The following RNF213 variants were observed in gnomAD, a reference collection of about 807,000 sequenced individuals.
The protein encoded by RNF213 is E3 ubiquitin-protein ligase RNF213.
A neutral mutation model predicts 514.4 loss-of-function variants in RNF213; 341 were observed. The observed-to-expected ratio is 0.66, with a 90% CI of 0.61 to 0.73. The LOEUF is 0.73. Ranked by LOEUF, RNF213 falls within the 30% of genes least tolerant of loss-of-function variation. RNF213 has a pLI of 0.00. For missense variants in RNF213, 5,767 were observed against 6,615.6 expected (o/e 0.87, Z 4.45); for synonymous variants, 2,655 against 2,658.2 (o/e 1.00, Z 0.04).
rs1288406252 is a variant in RNF213, at chr17:80,347,235, CA to C, written c.8903del (p.Lys2968ArgfsTer50). On this transcript the variant is annotated frameshift_variant, in exon 29 of 68. Coordinates refer to ENST00000582970, the MANE Select transcript of RNF213 (RefSeq NM_001256071.3). LOFTEE classifies it high-confidence loss of function. This position sits in a 1 kb window ranked among gnomAD's most constrained non-coding sequence, Gnocchi z 7.2. The stretch of plus-strand genomic sequence containing the variant: ...CTCATCAAAATGGTCTTTGCTGCAG[CA>C]AAGGCTTCAAATAGAAAGCCTTCCC... ...YSLIKMVFAA[A>X]KASNRKPSPQ... 1 of 1,613,180 alleles carries C rather than the reference CA, an allele frequency of 6.2e-7. No individual in the cohort carries two copies. Among genetic ancestry groups the C allele is most frequent in the Non-Finnish European group, 8.5e-7 (1 of 1,179,662 alleles).
rs778138638 is a variant in RNF213, at chr17:80,390,170, C to T, written c.15444C>T (p.Thr5148=). 145 of 1,614,024 alleles carry T rather than the reference C, an allele frequency of 9.0e-5. No individual in the cohort carries two copies. Among genetic ancestry groups the T allele is most frequent in the Non-Finnish European group, 1.2e-4 (139 of 1,180,036 alleles). ...AACTAAAGAACCCCCAAACCCAAACCGAGGAGCGCTTCCGCCCTCAGTGGA... is the reference window on the plus strand; with the variant it reads ...AACTAAAGAACCCCCAAACCCAAACTGAGGAGCGCTTCCGCCCTCAGTGGA... ...ILKLKNPQTQ[T]EERFRPQWSL... Residue 5148 remains threonine, a synonymous_variant, in exon 67 of 68, where the codon ACC becomes ACT. Coordinates refer to ENST00000582970, the MANE Select transcript of RNF213 (RefSeq NM_001256071.3).
At chr17:80,333,620 G>C (rs955467132) in intron 21 of RNF213, among the ~76,000 whole-genome samples, 1 of 151,482 alleles carries the variant, frequency 6.6e-6, no homozygotes, top group Admixed American at 6.6e-5. Flanking sequence ...CTTGAACCAC[G>C]GAGGCGGAGG....
Position 80,353,777 on chromosome 17 carries a change from G to T in RNF213, c.10578+111G>T, listed in dbSNP as rs573740453. ...GAGGAGTCGCCGCCGCTGTGCAGGG[G>T]TGAGGATGGCGCCCCACTTTCCTCA... On this transcript the variant is annotated intron_variant, in intron 34 of 67. Coordinates refer to ENST00000582970, the MANE Select transcript of RNF213 (RefSeq NM_001256071.3). The surrounding 1 kb of genome is among the most constrained non-coding windows in gnomAD (Gnocchi z 5.0). 2 of 1,455,458 alleles carry T rather than the reference G, an allele frequency of 1.4e-6. No homozygotes were observed. Among genetic ancestry groups the T allele is most frequent in the East Asian group, 4.5e-5 (2 of 44,052 alleles). The allele number at this position is 1,455,458 out of a possible 1,614,324, so 90.2% of individuals were successfully genotyped here.
At chr17:80,287,771 G>T (rs1181004347) in intron 3 of RNF213, 44 bp from the exon 4 acceptor site, 5 of 1,598,852 alleles carry the variant, frequency 3.1e-6, no homozygotes, top group Admixed American at 1.7e-5. Flanking sequence ...GGCTAGAGTA[G>T]AGTAAATCTA....
intron 63 of RNF213, among the ~76,000 whole-genome samples, chr17:80,388,367 C>G (rs1414086268): frequency 6.6e-6 from 1 of 152,208 alleles, no homozygotes; most frequent in East Asian, 1.9e-4. Context: ...TGTGGCGAAG[C>G]AGGCCACGAT....
intron 59 of RNF213, chr17:80,384,723 T>G (rs2080164198): frequency 2.5e-6 from 1 of 405,076 alleles, no homozygotes; most frequent in Non-Finnish European, 4.7e-6. Flanking sequence ...TTCAGCAGCT[T>G]CTCTCCGTAC....
chr17:80,395,953 C>A lies in RNF213; in HGVS notation c.*2455C>A. The A allele has an allele frequency of 6.6e-6, 1 of 152,534 alleles. No homozygotes were observed. 9.4% of individuals were successfully genotyped at this position (152,534 alleles called of 1,614,324 possible). A position where few individuals can be genotyped will look rare whatever the true frequency, so the allele number is the denominator to read the frequency against. On this transcript the variant is annotated 3_prime_UTR_variant, in exon 68 of 68. Coordinates refer to ENST00000582970, the MANE Select transcript of RNF213 (RefSeq NM_001256071.3). Reference sequence around the variant, plus strand: ...TGGATGCCTCATCACCAACCCTGACCTTCCCCCTCCCAACCCTTTATTCAT... The same window carrying A: ...TGGATGCCTCATCACCAACCCTGACATTCCCCCTCCCAACCCTTTATTCAT...
At position 80,263,592 on chromosome 17, in the gene RNF213, T is replaced by C. The variant is rs1217577727; in HGVS notation, c.-90T>C. 2.4e-5 allele frequency: 25 copies of C among 1,035,534 alleles called. No homozygotes were observed. In the Admixed American group the frequency reaches 2.7e-4, roughly 11 times the overall value. 64.1% of individuals were successfully genotyped at this position (1,035,534 alleles called of 1,614,324 possible). On this transcript the variant is annotated 5_prime_UTR_variant, in exon 2 of 68. Coordinates refer to ENST00000582970, the MANE Select transcript of RNF213 (RefSeq NM_001256071.3). The surrounding 1 kb of genome is among the most constrained non-coding windows in gnomAD (Gnocchi z 4.9). ...TTCGCAGAAAATGAAACTGAAGCCG[T>C]GGTCACGTGACAGGACATGTAGTAT...
chr17:80,381,721 AGCAGAAGT>A lies in RNF213; in HGVS notation c.13974_13978+3del. 6.2e-7 allele frequency: 1 copy of A among 1,613,300 alleles called. No individual in the cohort carries two copies. The highest frequency in any genetic ancestry group is 1.1e-5 in the South Asian group (1 of 91,018). On this transcript the variant is annotated splice_donor_variant and coding_sequence_variant, in exon 57 of 68. Coordinates refer to ENST00000582970, the MANE Select transcript of RNF213 (RefSeq NM_001256071.3). LOFTEE classifies it high-confidence loss of function. The stretch of plus-strand genomic sequence containing the variant: ...TCTCCAAGAGCAGCACCAGCTCTCT[AGCAGAAGT>A]GAGGAAAGGGGCAAGGGCTGGGCGG...
At chr17:80,387,061 C>T (rs976862600) in intron 63 of RNF213, among the ~76,000 whole-genome samples, 170 bp downstream of exon 63, 6 of 152,256 alleles carry the variant, frequency 3.9e-5, no homozygotes, top group Admixed American at 1.3e-4. Context: ...TATCTCCGGG[C>T]CGCAGGGCTC....
chr17:80,333,942 C>A, intron 21 of RNF213, 163 bp from the exon 22 acceptor site: 1 of 694,414 alleles, frequency 1.4e-6, no homozygotes, highest in Non-Finnish European at 2.4e-6. Flanking sequence ...GGGGTTTGAT[C>A]ATCCAATTCA....
At chr17:80,379,482 C>T in intron 54 of RNF213, 138 bp from the exon 55 acceptor site, 1 of 849,038 alleles carries the variant, frequency 1.2e-6, no homozygotes, top group Admixed American at 1.8e-5. Context: ...CTCCACCCAC[C>T]CGAAACAAGC....
At chr17:80,368,432 T>G (rs1307746696) in intron 44 of RNF213, among the ~76,000 whole-genome samples, 1 of 100,876 alleles carries the variant, frequency 9.9e-6, no homozygotes, top group African/African-American at 3.9e-5. Flanking sequence ...TAGACGCCAG[T>G]GTTTTTTTTT....
intron 58 of RNF213, 59 bp from the exon 59 acceptor site, chr17:80,383,618 C>A: frequency 6.3e-7 from 1 of 1,591,258 alleles, no homozygotes; most frequent in Non-Finnish European, 8.6e-7. Flanking sequence ...CTGGGTGTTA[C>A]AATCTGTTTG....
chr17:80,364,351 T>C (rs542506166), intron 41 of RNF213, 82 bp from the exon 42 acceptor site: 5 of 1,603,672 alleles, frequency 3.1e-6, no homozygotes, highest in Non-Finnish European at 1.7e-6. Context: ...CCGCATCTCT[T>C]CTCCCGTCTC....
chr17:80,344,644 T>C, intron 28 of RNF213, 34 bp from the exon 29 acceptor site: 1 of 1,613,254 alleles, frequency 6.2e-7, no homozygotes, highest in Non-Finnish European at 8.5e-7. Context: ...GAAAGTCTTC[T>C]TGTAACCATT....
intron 52 of RNF213, 63 bp from the exon 53 acceptor site, chr17:80,376,819 A>C: frequency 7.0e-7 from 1 of 1,419,842 alleles, no homozygotes; most frequent in Non-Finnish European, 9.9e-7. Flanking sequence ...CCTCCTGCTG[A>C]GCAGCAGCAC....
chr17:80,359,519 T>C (rs2078963087), intron 37 of RNF213, among the ~76,000 whole-genome samples: 1 of 77,094 alleles, frequency 1.3e-5, no homozygotes, highest in African/African-American at 5.8e-5. Flanking sequence ...AGTGAGACTC[T>C]ATCTCAAAAA....
chr17:80,364,426 T>C lies in RNF213; in HGVS notation c.11751-7T>C, dbSNP rs768910530. On this transcript the variant is annotated splice_polypyrimidine_tract_variant and splice_region_variant and intron_variant, in intron 41 of 67. Coordinates refer to ENST00000582970, the MANE Select transcript of RNF213 (RefSeq NM_001256071.3). ...GTGAGTGAGTGAGTGGCGCCCTCTT[T>C]TGACAGAGCCCAGTGGAGTCGGATT... 17 of 1,614,102 alleles carry C rather than the reference T, an allele frequency of 1.1e-5. No individual in the cohort carries two copies. In the South Asian group the frequency reaches 1.5e-4, roughly 15 times the overall value.
Sources: gnomAD v4.1 joint callset for allele counts (sites outside exome capture counted in the v4.1 genomes callset) on GRCh38, gnomAD v4.1.1 for gene constraint, Gnocchi (gnomAD v3.1) non-coding constraint, MANE v1.5 for transcripts, NCBI Gene and HGNC (gene_info 2026-07-23, HGNC 2026-07-21) for gene names.